VIRMA: variants seen among roughly 807,000 people sequenced by gnomAD.
VIRMA encodes protein virilizer homolog.
In VIRMA, 65 loss-of-function variants were observed where a neutral mutation model predicts 182.4. That is an observed-to-expected ratio of 0.36 (90% CI 0.29 to 0.44). VIRMA has a LOEUF of 0.44. Ranked by LOEUF, VIRMA falls within the 20% of genes least tolerant of loss-of-function variation. VIRMA has a pLI of 1.00. For synonymous variants in VIRMA, 709 were observed against 743.1 expected (o/e 0.95, Z 0.75); for missense variants, 1,752 against 2,158.1 (o/e 0.81, Z 3.73).
At chr8:94,506,388 G>T in intron 16 of VIRMA, 112 bp downstream of exon 16, 1 of 677,132 alleles carries the variant, frequency 1.5e-6, no homozygotes, top group Non-Finnish European at 2.4e-6. Flanking sequence ...TCCCACGAAA[G>T]AAATCATTTC....
Position 94,517,815 on chromosome 8 carries a change from C to A in VIRMA, c.2641G>T (p.Ala881Ser). Residue 881 changes from alanine to serine, a missense_variant, in exon 10 of 24, where the codon GCA becomes TCA. Transcript: ENST00000297591. ...TGCAATTTAGCATTATTTTCATCTG[C>A]TTTACAAAGCTTCAAGAGAGATGCT... ...HAASLLKLCK[A>S]DENNAKLQEL... The A allele has an allele frequency of 6.2e-7, 1 of 1,609,180 alleles. No individual in the cohort carries two copies.
At chr8:94,507,014 TTC>T (rs1411906139) in intron 15 of VIRMA, among the ~76,000 whole-genome samples, 2 of 152,162 alleles carry the variant, frequency 1.3e-5, no homozygotes, top group Non-Finnish European at 2.9e-5. Context: ...TAAGTATAGT[TTC>T]TGTTTTCAAT....
At chr8:94,504,553 G>A (rs1417273319) in intron 16 of VIRMA, among the ~76,000 whole-genome samples, 1 of 152,120 alleles carries the variant, frequency 6.6e-6, no homozygotes, top group Non-Finnish European at 1.5e-5. Context: ...CCATTAGAAG[G>A]ATTTCAGCAG....
At chr8:94,502,769 T>TA (rs202000077) in intron 16 of VIRMA, among the ~76,000 whole-genome samples, 2 of 152,134 alleles carry the variant, frequency 1.3e-5, no homozygotes, top group African/African-American at 2.4e-5. Context: ...AGGAAGTACT[T>TA]AAAAAATTTT....
intron 23 of VIRMA, among the ~76,000 whole-genome samples, chr8:94,489,410 CT>C (rs888030542): frequency 6.6e-6 from 1 of 152,110 alleles, no homozygotes; most frequent in Non-Finnish European, 1.5e-5. Context: ...AACTTTAGAA[CT>C]TTAAGTCTAT....
chr8:94,511,021 C>T (rs1814352587), intron 13 of VIRMA, 164 bp downstream of exon 13: 1 of 1,413,714 alleles, frequency 7.1e-7, no homozygotes, highest in Non-Finnish European at 9.2e-7. Context: ...CCCATATTTC[C>T]TCAATGACCA....
intron 15 of VIRMA, among the ~76,000 whole-genome samples, chr8:94,508,001 A>G (rs150224822): frequency 6.0e-5 from 9 of 150,328 alleles, no homozygotes; most frequent in South Asian, 2.1e-4. Context: ...ATATATAAGT[A>G]TATATATATA....
chr8:94,549,395 C>T (rs138806182), intron 1 of VIRMA, among the ~76,000 whole-genome samples: 277 of 152,278 alleles, frequency 1.8e-3, no homozygotes, highest in African/African-American at 6.4e-3. Flanking sequence ...ATACCCTCAC[C>T]TTCAAAAGTG....
intron 16 of VIRMA, among the ~76,000 whole-genome samples, chr8:94,504,843 G>C (rs1814102002): frequency 6.6e-6 from 1 of 152,166 alleles, no homozygotes; most frequent in African/African-American, 2.4e-5. Context: ...GCTTAGCAGA[G>C]AGATAAGGGC....
chr8:94,541,050 AAC>A (rs1309652001), intron 2 of VIRMA, among the ~76,000 whole-genome samples: 3 of 152,042 alleles, frequency 2.0e-5, no homozygotes, highest in East Asian at 1.9e-4. Flanking sequence ...CACACATACA[AAC>A]ACACACACAT....
intron 16 of VIRMA, among the ~76,000 whole-genome samples, chr8:94,503,039 G>T (rs3102844): frequency 0.11 from 17,295 of 151,902 alleles, 1,404 homozygotes; most frequent in East Asian, 0.23. Flanking sequence ...ATAAACCAAT[G>T]CAGGAGAAGC....
At chr8:94,492,250 A>G (rs1372733890) in intron 21 of VIRMA, among the ~76,000 whole-genome samples, 2 of 151,482 alleles carry the variant, frequency 1.3e-5, no homozygotes, top group Non-Finnish European at 2.9e-5. Flanking sequence ...TTCGAATGCT[A>G]TGTTAATTTC....
intron 19 of VIRMA, 137 bp downstream of exon 19, chr8:94,495,594 C>G (rs906515760): frequency 1.1e-5 from 5 of 463,020 alleles, no homozygotes; most frequent in Middle Eastern, 5.6e-4. Context: ...GAATACACAA[C>G]AGAGGCTGTA....
chr8:94,538,626 GTTA>G (rs1815425812), intron 2 of VIRMA, among the ~76,000 whole-genome samples: 1 of 151,904 alleles, frequency 6.6e-6, no homozygotes, highest in Non-Finnish European at 1.5e-5. Context: ...TTGAGACGGT[GTTA>G]CAGAGTTTCG....
At position 94,505,068 on chromosome 8, in the gene VIRMA, T is replaced by C. The variant is rs28567499; in HGVS notation, c.4097+1432A>G. On this transcript the variant is annotated intron_variant, in intron 16 of 23. Coordinates refer to ENST00000297591, the MANE Select transcript of VIRMA (RefSeq NM_015496.5). ...TGTATGAGGTGAGTTTCAAAGGACA[T>C]GGAGTAAATATCTTGGCAATAGGAA... 4.5e-3 allele frequency among the ~76,000 whole-genome samples: 679 copies of C among 152,232 alleles called. 1 individual carries two copies. Among genetic ancestry groups the C allele is most frequent in the Admixed American group, 5.6e-3 (85 of 15,294 alleles).
At chr8:94,546,327 G>C (rs1017533150) in intron 1 of VIRMA, among the ~76,000 whole-genome samples, 1 of 150,832 alleles carries the variant, frequency 6.6e-6, no homozygotes, top group African/African-American at 2.5e-5. Context: ...AATCCAAACT[G>C]AATTCTCCTA....
At chr8:94,537,708 TTTTTA>T (rs1419283714) in intron 3 of VIRMA, among the ~76,000 whole-genome samples, 1 of 152,186 alleles carries the variant, frequency 6.6e-6, no homozygotes, top group Non-Finnish European at 1.5e-5. Context: ...CCTTTAGTTT[TTTTTA>T]TTTTATGAGT....
At position 94,511,226 on chromosome 8, in the gene VIRMA, A is replaced by C. The variant is rs1044067372; in HGVS notation, c.3349T>G (p.Ser1117Ala). The change falls in exon 13 of 24, where the codon TCA becomes GCA. Residue 1117 changes from serine (S) to alanine (A), a missense_variant. Around this residue, in one of 11 missense-constraint regions of VIRMA, gnomAD observed 777 missense variants for 920.6 expected, o/e 0.84. Coordinates refer to ENST00000297591, the MANE Select transcript of VIRMA (RefSeq NM_015496.5). ...EGFFSGLILLSELLPLPLPMQ... is the reference protein window; with the variant it reads ...EGFFSGLILLAELLPLPLPMQ... ...GGCAATGGAAGAGGCAGCAGCTCTG[A>C]AAGGAGTATGAGTCCAGAAAAAAAT... The C allele has an allele frequency of 1.2e-6, 2 of 1,614,138 alleles. No individual in the cohort carries two copies. Among genetic ancestry groups the C allele is most frequent in the Non-Finnish European group, 1.7e-6 (2 of 1,180,000 alleles).
chr8:94,498,486 CTTTTT>C (rs1813864728), intron 17 of VIRMA: 1 of 152,010 alleles, frequency 6.6e-6, no homozygotes, highest in Non-Finnish European at 1.5e-5. Context: ...AAATTTTTTT[CTTTTT>C]TGAGACAGCG....
Sources: allele counts gnomAD v4.1 joint callset (sites outside exome capture counted in the v4.1 genomes callset), GRCh38; gene constraint gnomAD v4.1.1; regional missense constraint gnomAD v4.1.1; transcripts MANE v1.5; gene names NCBI Gene and HGNC (gene_info 2026-07-23, HGNC 2026-07-21).